Variants in TBC1D20 observed in about 807,000 individuals in gnomAD.
The protein encoded by TBC1D20 is chromosome 20 open reading frame 140.
TBC1D20 carries 12 observed loss-of-function variants against 41.6 expected under a neutral mutation model. That is an observed-to-expected ratio of 0.29 (90% CI 0.18 to 0.47). The LOEUF (loss-of-function observed/expected upper bound fraction) is 0.47, where lower values mean the gene tolerates loss of function less well. TBC1D20 is among the 20% of genes least tolerant of loss of function. The pLI is 1.00. For synonymous variants in TBC1D20, 205 were observed against 204.8 expected (o/e 1.00, Z -0.01); for missense variants, 421 against 517.4 (o/e 0.81, Z 1.81).
At chr20:459,847 C>T (rs1047667137) in intron 1 of TBC1D20, among the ~76,000 whole-genome samples, 2 of 152,076 alleles carry the variant, frequency 1.3e-5, no homozygotes, top group Admixed American at 6.6e-5. Flanking sequence ...ACACAACCCA[C>T]TATTGGCTTA....
rs2017169472 is a variant in TBC1D20, at chr20:438,821, T to C, written c.977A>G (p.Lys326Arg). 2 of 1,613,610 alleles carry C rather than the reference T, an allele frequency of 1.2e-6. No homozygotes were observed. The highest frequency in any genetic ancestry group is 8.5e-7 in the Non-Finnish European group (1 of 1,179,580). ...QAERTAASTF[K>R]DFELASAQQR... ...CTGGGCTGATGCCAGCTCAAAGTCT[T>C]TGAAAGTAGAGGCTGCCGTCCTGCA... The change falls in exon 8 of 8, where the codon AAA becomes AGA. Residue 326 changes from lysine to arginine, a missense_variant. Physicochemically the swap from Lys to Arg is conservative, Grantham distance 26. Transcript: ENST00000354200.
At position 462,440 on chromosome 20, in the gene TBC1D20, C is replaced by T; in HGVS notation, c.-35G>A. 1 of 1,170,342 alleles carries T rather than the reference C, an allele frequency of 8.5e-7. No homozygotes were observed. The highest frequency in any genetic ancestry group is 1.1e-6 in the Non-Finnish European group (1 of 933,278). 72.5% of individuals were successfully genotyped at this position (1,170,342 alleles called of 1,614,324 possible). On this transcript the variant is annotated 5_prime_UTR_variant, in exon 1 of 8. Transcript: ENST00000354200. ...CCCCGGGCCCCCACCCGAGCCCCGG[C>T]TGGTGGCGGAGCCGGGAGAAGACGC...
At chr20:444,580 TA>T (rs1485753547) in intron 3 of TBC1D20, among the ~76,000 whole-genome samples, 3 of 152,226 alleles carry the variant, frequency 2.0e-5, no homozygotes, top group African/African-American at 7.2e-5. Context: ...TTTATTTATT[TA>T]TTTTTTTATC....
intron 2 of TBC1D20, 57 bp downstream of exon 2, chr20:447,832 T>A: frequency 6.9e-7 from 1 of 1,442,734 alleles, no homozygotes; most frequent in South Asian, 1.3e-5. Flanking sequence ...ATCCTGGAAT[T>A]CTTTTCCCCC....
chr20:446,794 G>A (rs1017868248), intron 2 of TBC1D20, among the ~76,000 whole-genome samples: 2 of 151,744 alleles, frequency 1.3e-5, no homozygotes, highest in Non-Finnish European at 2.9e-5. Context: ...CACCATGTCT[G>A]GCTAGTTTTT....
intron 1 of TBC1D20, among the ~76,000 whole-genome samples, chr20:456,970 CTT>C (rs2017551872): frequency 1.5e-5 from 2 of 135,582 alleles, no homozygotes; most frequent in African/African-American, 5.6e-5. Flanking sequence ...GAGTTTCACT[CTT>C]GTTGCCCAGG....
intron 1 of TBC1D20, among the ~76,000 whole-genome samples, chr20:453,710 T>G (rs1181311451): frequency 6.9e-6 from 1 of 145,280 alleles, no homozygotes; most frequent in Non-Finnish European, 1.5e-5. Context: ...CATGCCTGGC[T>G]AATTTTTTTT....
At chr20:446,146 G>A (rs1449797662) in intron 2 of TBC1D20, among the ~76,000 whole-genome samples, 1 of 152,272 alleles carries the variant, frequency 6.6e-6, no homozygotes, top group Non-Finnish European at 1.5e-5. Context: ...CATGATGGCA[G>A]GAAAGCTACA....
At position 441,869 on chromosome 20, in the gene TBC1D20, GTAGA is replaced by G; in HGVS notation, c.508_511del (p.Ser170ProfsTer19). 6.2e-7 allele frequency: 1 copy of G among 1,613,912 alleles called. No individual in the cohort carries two copies. ...TCTCTACTGGTACCTGAGGTGGTGG[GTAGA>G]TAATTTTTCTACCAGGGATGTTGCC... On this transcript the variant is annotated frameshift_variant, in exon 4 of 8. Coordinates refer to ENST00000354200, the MANE Select transcript of TBC1D20 (RefSeq NM_144628.4). LOFTEE classifies it high-confidence loss of function.
chr20:446,060 T>A (rs560586857), intron 2 of TBC1D20, among the ~76,000 whole-genome samples: 1 of 152,388 alleles, frequency 6.6e-6, no homozygotes. Context: ...CCTGTTTCAA[T>A]CATCTCCAGT....
Position 438,442 on chromosome 20 carries a change from C to G in TBC1D20, c.*144G>C. On this transcript the variant is annotated 3_prime_UTR_variant, in exon 8 of 8. Transcript: ENST00000354200. ...CTGCTACTGGCCTCTGAAGTAAAGG[C>G]AAACACAAACGGGCAGGGCAGGGTG... The G allele has an allele frequency of 2.0e-6, 2 of 996,432 alleles. No homozygotes were observed. Among genetic ancestry groups the G allele is most frequent in the Non-Finnish European group, 2.9e-6 (2 of 681,948 alleles). The allele number at this position is 996,432 out of a possible 1,614,324, so 61.7% of individuals were successfully genotyped here.
At chr20:460,667 A>G (rs1210738605) in intron 1 of TBC1D20, among the ~76,000 whole-genome samples, 1 of 152,226 alleles carries the variant, frequency 6.6e-6, no homozygotes, top group Non-Finnish European at 1.5e-5. Flanking sequence ...TTTCACTACA[A>G]TGGAAAAAAA....
In TBC1D20 at chr20:439,050, C is replaced by A; in HGVS notation, c.956+58G>T. 1 of 1,557,652 alleles carries A rather than the reference C, an allele frequency of 6.4e-7. No individual in the cohort carries two copies. Among genetic ancestry groups the A allele is most frequent in the Non-Finnish European group, 8.7e-7 (1 of 1,149,740 alleles). On this transcript the variant is annotated intron_variant, in intron 7 of 7. Transcript: ENST00000354200. This position sits in a 1 kb window ranked among gnomAD's most constrained non-coding sequence, Gnocchi z 4.6. The stretch of plus-strand genomic sequence containing the variant: ...CCTATCCCACCAGACACAAACCTTC[C>A]CTCGCTTCTGCTCATTTACAGCCAC...
chr20:458,647 T>C (rs370220921), intron 1 of TBC1D20, among the ~76,000 whole-genome samples: 8 of 152,116 alleles, frequency 5.3e-5, no homozygotes, highest in African/African-American at 1.7e-4. Context: ...ATTTCAAAAT[T>C]TACTTACTAT....
rs1012406046 is a variant in TBC1D20 at position 462,463 on chromosome 20, C to T, written c.-58G>A. ...GGCTGGTGGCGGAGCCGGGAGAAGA[C>T]GCGGCTCCGACCGCGGGACGTAGCA... On this transcript the variant is annotated 5_prime_UTR_variant, in exon 1 of 8. Transcript: ENST00000354200. 10 of 1,065,070 alleles carry T rather than the reference C, an allele frequency of 9.4e-6. No homozygotes were observed. The highest frequency in any genetic ancestry group is 1.7e-5 in the African/African-American group (1 of 59,524). The allele number at this position is 1,065,070 out of a possible 1,614,324, so 66.0% of individuals were successfully genotyped here.
chr20:460,697 A>G (rs1186753135), intron 1 of TBC1D20, among the ~76,000 whole-genome samples: 1 of 152,222 alleles, frequency 6.6e-6, no homozygotes, highest in Non-Finnish European at 1.5e-5. Flanking sequence ...AAGTAAACCA[A>G]TCTGACTATA....
chr20:446,648 G>T (rs1434293173), intron 2 of TBC1D20, among the ~76,000 whole-genome samples: 1 of 151,794 alleles, frequency 6.6e-6, no homozygotes, highest in Non-Finnish European at 1.5e-5. Context: ...GACAAAAGAG[G>T]GTGTTTTTGT....
At position 441,652 on chromosome 20, in the gene TBC1D20, T is replaced by C. The variant is rs1204592693; in HGVS notation, c.562A>G (p.Ile188Val). The change falls in exon 5 of 8, where the codon ATA becomes GTA. Residue 188 changes from isoleucine to valine, a missense_variant. By Grantham distance (29) the Ile-to-Val change is conservative. This residue lies in a region of TBC1D20 where 110 missense variants were observed against 183.5 expected (regional missense o/e 0.60). Coordinates refer to ENST00000354200, the MANE Select transcript of TBC1D20 (RefSeq NM_144628.4). ...MDPTMDNTKHILNYLMPIIDQ... is the reference protein window; with the variant it reads ...MDPTMDNTKHVLNYLMPIIDQ... ...ATGATGGGCATCAGATAGTTTAATA[T>C]ATGCTTGGTGTTGTCCATTGTTGGA... 6.2e-7 allele frequency: 1 copy of C among 1,614,170 alleles called. No individual in the cohort carries two copies. The highest frequency in any genetic ancestry group is 1.3e-5 in the African/African-American group (1 of 75,030).
At chr20:442,394 A>T (rs2122388489) in intron 3 of TBC1D20, among the ~76,000 whole-genome samples, 1 of 152,382 alleles carries the variant, frequency 6.6e-6, no homozygotes, top group South Asian at 2.1e-4. Flanking sequence ...ATTTCTATCA[A>T]CAGCGCACAG....
Sources: gnomAD v4.1 joint callset for allele counts (sites outside exome capture counted in the v4.1 genomes callset) on GRCh38, gnomAD v4.1.1 for gene constraint, gnomAD v4.1.1 regional missense constraint, Gnocchi (gnomAD v3.1) non-coding constraint, MANE v1.5 for transcripts, NCBI Gene and HGNC (gene_info 2026-07-23, HGNC 2026-07-21) for gene names.